JAZF1: variants seen among roughly 807,000 people sequenced by gnomAD.
JAZF1 encodes JAZF zinc finger 1, also known as juxtaposed with another zinc finger protein 1.
In JAZF1, 8 loss-of-function variants were observed where a neutral mutation model predicts 26.4. The observed-to-expected ratio is 0.30, with a 90% CI of 0.18 to 0.55. The LOEUF (loss-of-function observed/expected upper bound fraction) is 0.55, where lower values mean the gene tolerates loss of function less well. Ranked by LOEUF, JAZF1 falls within the 20% of genes least tolerant of loss-of-function variation. The probability of loss-of-function intolerance (pLI) is 0.94; values close to 1 mark genes in which losing one functional copy is unlikely to be tolerated. For synonymous variants in JAZF1, 126 were observed against 122.3 expected, an observed-to-expected ratio of 1.03 and a Z score of -0.20; for missense variants, 199 against 322.0, an observed-to-expected ratio of 0.62 and a Z score of 2.92.
chr7:27,910,400 T>G (rs1784342544), intron 2 of JAZF1, among the ~76,000 whole-genome samples: 1 of 152,212 alleles, frequency 6.6e-6, no homozygotes, highest in Non-Finnish European at 1.5e-5. Flanking sequence ...TTCAAGAATG[T>G]CACTACTTAA....
At chr7:28,049,319 G>C (rs1583530478) in intron 1 of JAZF1, among the ~76,000 whole-genome samples, 1 of 151,734 alleles carries the variant, frequency 6.6e-6, no homozygotes, top group East Asian at 1.9e-4. Context: ...CCCAACCTCA[G>C]GTAATCCATC....
At chr7:28,079,451 T>C (rs10268254) in intron 1 of JAZF1, among the ~76,000 whole-genome samples, 25,395 of 152,114 alleles carry the variant, frequency 0.17, 2,313 homozygotes, top group Non-Finnish European at 0.2. Context: ...GACACTGATA[T>C]AGAATAAGAA....
intron 1 of JAZF1, among the ~76,000 whole-genome samples, chr7:28,050,322 AG>A (rs1479538479): frequency 6.6e-6 from 1 of 152,186 alleles, no homozygotes; most frequent in East Asian, 1.9e-4. Flanking sequence ...AGTGGTTACC[AG>A]GGGTTGGAGA....
At chr7:28,070,968 C>T (rs1783966191) in intron 1 of JAZF1, among the ~76,000 whole-genome samples, 1 of 152,184 alleles carries the variant, frequency 6.6e-6, no homozygotes, top group Admixed American at 6.5e-5. Context: ...ATTTGATTGA[C>T]TGAAATGAAA....
chr7:27,965,383 C>T (rs1445718678), intron 2 of JAZF1, among the ~76,000 whole-genome samples: 1 of 152,124 alleles, frequency 6.6e-6, no homozygotes, highest in African/African-American at 2.4e-5. Context: ...TCTCACAAAG[C>T]ATAGATACAT....
intron 2 of JAZF1, among the ~76,000 whole-genome samples, chr7:27,949,867 T>C (rs908564499): frequency 6.6e-6 from 1 of 152,234 alleles, no homozygotes; most frequent in African/African-American, 2.4e-5. Flanking sequence ...GCTAGCCTCA[T>C]GAATGTATGT....
chr7:28,086,252 T>G (rs1413800115), intron 1 of JAZF1, among the ~76,000 whole-genome samples: 4 of 152,212 alleles, frequency 2.6e-5, no homozygotes, highest in African/African-American at 9.6e-5. Flanking sequence ...GCCTCCCCAG[T>G]AATGACTAGG....
chr7:28,094,386 C>G (rs904373498), intron 1 of JAZF1, among the ~76,000 whole-genome samples: 1 of 152,194 alleles, frequency 6.6e-6, no homozygotes, highest in Non-Finnish European at 1.5e-5. Context: ...GGCTGACTCG[C>G]CAAACATCAG....
At chr7:27,971,728 G>A (rs1370439643) in intron 2 of JAZF1, among the ~76,000 whole-genome samples, 1 of 152,184 alleles carries the variant, frequency 6.6e-6, no homozygotes, top group Non-Finnish European at 1.5e-5. Flanking sequence ...TGAAATAAGA[G>A]AGGTGTAGCA....
intron 2 of JAZF1, among the ~76,000 whole-genome samples, chr7:27,957,514 G>T (rs1233328122): frequency 2.6e-5 from 4 of 152,130 alleles, no homozygotes; most frequent in African/African-American, 9.7e-5. Flanking sequence ...TAAGAAAGTG[G>T]ATGAATGAAA....
chr7:28,111,197 A>C (rs1237392505), intron 1 of JAZF1, among the ~76,000 whole-genome samples: 4 of 152,230 alleles, frequency 2.6e-5, no homozygotes, highest in African/African-American at 9.6e-5. Context: ...TAGCAAAGTA[A>C]TGCTAATCCA....
At chr7:27,887,498 C>T (rs1783888751) in intron 3 of JAZF1, among the ~76,000 whole-genome samples, 1 of 152,180 alleles carries the variant, frequency 6.6e-6, no homozygotes, top group Admixed American at 6.5e-5. Flanking sequence ...TCACTACAAC[C>T]TCTGCCTCCC....
At chr7:27,841,071 A>G (rs979953460) in intron 3 of JAZF1, 1 of 545,948 alleles carries the variant, frequency 1.8e-6, no homozygotes, top group Admixed American at 3.2e-5. Context: ...CACCTAAGAG[A>G]CCAGGGCAAG....
At chr7:28,088,343 G>T (rs1026574119) in intron 1 of JAZF1, among the ~76,000 whole-genome samples, 1 of 152,226 alleles carries the variant, frequency 6.6e-6, no homozygotes, top group Non-Finnish European at 1.5e-5. Flanking sequence ...GCTACTAGGA[G>T]CTAGCTTTCT....
At chr7:27,881,600 G>T (rs1334536805) in intron 3 of JAZF1, among the ~76,000 whole-genome samples, 1 of 152,132 alleles carries the variant, frequency 6.6e-6, no homozygotes, top group African/African-American at 2.4e-5. Context: ...CCATTTAAAA[G>T]GGTGGGGGCC....
At chr7:27,992,570 T>C (rs986538365) in intron 1 of JAZF1, among the ~76,000 whole-genome samples, 1 of 152,152 alleles carries the variant, frequency 6.6e-6, no homozygotes, top group Non-Finnish European at 1.5e-5. Flanking sequence ...AGAGGACTTT[T>C]CCCCTCAAAG....
intron 3 of JAZF1, chr7:27,844,155 G>C (rs145755218): frequency 1.3e-5 from 2 of 152,234 alleles, no homozygotes. Flanking sequence ...ACCCATTCGC[G>C]TCCCTGACAG....
At chr7:27,833,582 C>T (rs1048925455) in intron 4 of JAZF1, among the ~76,000 whole-genome samples, 1 of 152,190 alleles carries the variant, frequency 6.6e-6, no homozygotes, top group Non-Finnish European at 1.5e-5. Flanking sequence ...CCCCGCCGTA[C>T]AGTTGTACAT....
intron 1 of JAZF1, among the ~76,000 whole-genome samples, chr7:27,999,607 C>T (rs775217859): frequency 1.3e-5 from 2 of 152,152 alleles, no homozygotes; most frequent in Non-Finnish European, 2.9e-5. Flanking sequence ...TTTCAGCATG[C>T]ATTGTACCAT....
Sources: allele counts gnomAD v4.1 joint callset (sites outside exome capture counted in the v4.1 genomes callset), GRCh38; gene constraint gnomAD v4.1.1; transcripts MANE v1.5; gene names NCBI Gene and HGNC (gene_info 2026-07-23, HGNC 2026-07-21).